Variants in PDXDC1 observed in about 807,000 individuals in gnomAD.
PDXDC1 encodes pyridoxal dependent decarboxylase domain containing 1.
A neutral mutation model predicts 100.1 loss-of-function variants in PDXDC1; 42 were observed. That is an observed-to-expected ratio of 0.42 (90% CI 0.33 to 0.54). The LOEUF (loss-of-function observed/expected upper bound fraction) is 0.54. Ranked by LOEUF, PDXDC1 falls within the 20% of genes least tolerant of loss-of-function variation. The pLI, the probability that PDXDC1 is intolerant of heterozygous loss-of-function variation, is 0.10. For synonymous variants in PDXDC1, 260 were observed against 371.7 expected (o/e 0.70, Z 3.46); for missense variants, 636 against 979.2 (o/e 0.65, Z 4.68).
downstream of PDXDC1, among the ~76,000 whole-genome samples, chr16:15,142,789 C>T (rs571974509): frequency 2.9e-3 from 428 of 150,150 alleles, 1 homozygote; most frequent in Non-Finnish European, 4.7e-3. Context: ...GTGACATCAT[C>T]GCCGCTGTCT....
rs2043154635 is a variant in PDXDC1 at position 15,032,927 on chromosome 16, T to C, written c.1638T>C (p.Ala546=). The C allele has an allele frequency of 1.2e-6, 2 of 1,612,538 alleles. No individual in the cohort carries two copies. The highest frequency in any genetic ancestry group is 1.7e-6 in the Non-Finnish European group (2 of 1,178,478). The change falls in exon 18 of 23, where the codon GCT becomes GCC. Residue 546 remains alanine, a synonymous_variant. Transcript: ENST00000396410. ...KSDPEGENIH[A]GLLKKLNELE... is the part of the protein sequence containing the mutation. The stretch of plus-strand genomic sequence containing the variant: ...ATCCCGAAGGGGAAAACATCCATGC[T>C]GGACTCCTGAAGAAGTTAAATGAAC...
chr16:14,980,623 A>G (rs1967750494), intron 1 of PDXDC1, among the ~76,000 whole-genome samples: 1 of 152,392 alleles, frequency 6.6e-6, no homozygotes, highest in Non-Finnish European at 1.5e-5. Context: ...ACAGGCGCCC[A>G]CCACCACACC....
downstream of PDXDC1, among the ~76,000 whole-genome samples, chr16:15,042,264 C>T (rs1200902622): frequency 6.6e-6 from 1 of 150,748 alleles, no homozygotes; most frequent in African/African-American, 2.4e-5. Flanking sequence ...CTGCTCATCG[C>T]AGTCTCCACC....
At chr16:15,019,159 G>C (rs1468451927) in intron 12 of PDXDC1, among the ~76,000 whole-genome samples, 194 bp downstream of exon 12, 1 of 152,276 alleles carries the variant, frequency 6.6e-6, no homozygotes. Context: ...GTCTGTCCCA[G>C]CATTTGTGTG....
intron 16 of PDXDC1, among the ~76,000 whole-genome samples, chr16:15,123,257 C>T (rs1345686914): frequency 2.0e-5 from 3 of 151,962 alleles, no homozygotes; most frequent in Non-Finnish European, 4.4e-5. Flanking sequence ...CACGCTCCTC[C>T]CAAGACCAGG....
intron 16 of PDXDC1, chr16:15,127,932 A>G (rs1315212279): frequency 7.1e-7 from 1 of 1,416,478 alleles, no homozygotes; most frequent in Non-Finnish European, 9.8e-7. Context: ...GCAGGAGGCC[A>G]CGGGGCAGGA....
In PDXDC1 at chr16:15,094,229, G is replaced by A. The variant is rs748955116; in HGVS notation, c.1400-44650G>A. On this transcript the variant is annotated intron_variant, in intron 16 of 16. Transcript: ENST00000535621. ...CAAACGCGTGTGAAGCAGCGGTGCC[G>A]CCATTGGGCCGAACTAACGCGACCG... 2.0e-5 allele frequency: 31 copies of A among 1,585,834 alleles called. No individual in the cohort carries two copies. Among genetic ancestry groups the A allele is most frequent in the Non-Finnish European group, 2.6e-5 (30 of 1,166,608 alleles).
chr16:15,123,299 T>G, intron 16 of PDXDC1: 1 of 1,465,362 alleles, frequency 6.8e-7, no homozygotes, highest in Non-Finnish European at 9.2e-7. Context: ...ACCTGATTTC[T>G]GGTCCACCCC....
At chr16:15,035,659 G>A in intron 22 of PDXDC1, 106 bp downstream of exon 22, 1 of 634,876 alleles carries the variant, frequency 1.6e-6, no homozygotes, top group Non-Finnish European at 2.7e-6. Flanking sequence ...TTTCTCTTAA[G>A]ACCAACTACT....
At chr16:15,097,567 G>A (rs1051138306) in intron 16 of PDXDC1, among the ~76,000 whole-genome samples, 4 of 148,416 alleles carry the variant, frequency 2.7e-5, no homozygotes, top group South Asian at 2.1e-4. Context: ...GCATGAACCC[G>A]AGAGGTGGAG....
intron 16 of PDXDC1, among the ~76,000 whole-genome samples, chr16:15,085,034 C>G (rs921009594): frequency 3.1e-4 from 47 of 152,222 alleles, no homozygotes; most frequent in African/African-American, 1.1e-3. Flanking sequence ...CCACTATACT[C>G]CAGCCTGGGC....
In PDXDC1 at chr16:15,036,403, C is replaced by T; in HGVS notation, c.*128C>T. 7 of 927,892 alleles carry T rather than the reference C, an allele frequency of 7.5e-6. No individual in the cohort carries two copies. The highest frequency in any genetic ancestry group is 3.3e-6 in the Non-Finnish European group (2 of 612,540). The allele number at this position is 927,892 out of a possible 1,614,324, so 57.5% of individuals were successfully genotyped here. ...TTTGTGCTTCACTGGGATTTTGGCACAAATATGTGCCTGAAAGGTAGGCTT... is the reference window on the plus strand; with the variant it reads ...TTTGTGCTTCACTGGGATTTTGGCATAAATATGTGCCTGAAAGGTAGGCTT... On this transcript the variant is annotated 3_prime_UTR_variant, in exon 23 of 23. Transcript: ENST00000396410.
intron 16 of PDXDC1, among the ~76,000 whole-genome samples, chr16:15,136,331 C>T (rs2048345486): frequency 1.3e-5 from 2 of 152,186 alleles, no homozygotes; most frequent in Admixed American, 6.5e-5. Flanking sequence ...CAGGGATCCC[C>T]GCGCAGGCCA....
At chr16:15,032,655 A>T in intron 17 of PDXDC1, 6 of 226,724 alleles carry the variant, frequency 2.6e-5, no homozygotes, top group South Asian at 1.9e-4. Flanking sequence ...CCCTGCTTTA[A>T]AAAAAAAAAA....
intron 16 of PDXDC1, chr16:15,104,431 T>G (rs1218356245): frequency 1.4e-6 from 2 of 1,390,888 alleles, no homozygotes; most frequent in Non-Finnish European, 1.9e-6. Context: ...TATCATCCGC[T>G]GAGGGTGGAG....
intron 16 of PDXDC1, chr16:15,083,595 A>T (rs1447852372): frequency 6.3e-7 from 1 of 1,592,592 alleles, no homozygotes; most frequent in Non-Finnish European, 8.5e-7. Flanking sequence ...ATTTTTAAAA[A>T]ATTAAATCAA....
chr16:14,985,918 G>T (rs1231733752), intron 1 of PDXDC1, among the ~76,000 whole-genome samples: 1 of 152,198 alleles, frequency 6.6e-6, no homozygotes, highest in Non-Finnish European at 1.5e-5. Context: ...GGGTGACATA[G>T]TAGGACCATG....
chr16:15,026,530 T>A lies in PDXDC1; in HGVS notation c.1141-113T>A, dbSNP rs867508087. On this transcript the variant is annotated intron_variant, in intron 13 of 22. Coordinates refer to ENST00000396410, the MANE Select transcript of PDXDC1 (RefSeq NM_015027.4). ...TGAAATTAACCTCTGAACTTTTTAG[T>A]GTGTTTATTTACAAATAGAGCATTT... The A allele has an allele frequency of 5.4e-5, 46 of 858,098 alleles. No individual in the cohort carries two copies. The African/African-American group carries it at 6.5e-4, about 12-fold the overall frequency. 53.2% of individuals were successfully genotyped at this position (858,098 alleles called of 1,614,324 possible). A position where few individuals can be genotyped will look rare whatever the true frequency, so the allele number is the denominator to read the frequency against.
intron 16 of PDXDC1, among the ~76,000 whole-genome samples, chr16:15,122,742 G>A (rs1288104428): frequency 1.3e-5 from 2 of 148,712 alleles, no homozygotes. Flanking sequence ...GGCGCCCGGA[G>A]GTGGCCAGGA....
Sources: allele counts gnomAD v4.1 joint callset (sites outside exome capture counted in the v4.1 genomes callset), GRCh38; gene constraint gnomAD v4.1.1; transcripts MANE v1.5; gene names NCBI Gene and HGNC (gene_info 2026-07-23, HGNC 2026-07-21).